The following BBC3 variants were observed in gnomAD, a reference collection of about 807,000 sequenced individuals.
BBC3 encodes the protein bcl-2-binding component 3.
Under a neutral mutation model 18.2 loss-of-function variants are expected in BBC3, and 5 were observed. That is an observed-to-expected ratio of 0.27 (90% confidence interval 0.14 to 0.58). BBC3 has a LOEUF of 0.58. Ranked by LOEUF, BBC3 falls within the 20% of genes least tolerant of loss-of-function variation. The pLI is 0.91. For synonymous variants in BBC3, 119 were observed against 128.0 expected (o/e 0.93, Z 0.47); for missense variants, 224 against 268.9 (o/e 0.83, Z 1.17).
Position 47,220,845 on chromosome 19 carries a change from T to C in BBC3, c.*957A>G, listed in dbSNP as rs1380509035. The C allele has an allele frequency of 6.6e-6, 1 of 152,232 alleles. No individual in the cohort carries two copies. Among genetic ancestry groups the C allele is most frequent in the African/African-American group, 2.4e-5 (1 of 41,454 alleles). The allele number at this position is 152,232 out of a possible 1,614,324, so 9.4% of individuals were successfully genotyped here. ...TATCCACTGTTCCAATCTGATTTTA[T>C]TGAAAAGGAAACATACAAAAATCAT... is the stretch of plus-strand genomic sequence containing the variant. On this transcript the variant is annotated 3_prime_UTR_variant, in exon 4 of 4. Coordinates refer to ENST00000439096, the MANE Select transcript of BBC3 (RefSeq NM_014417.5).
chr19:47,224,021 G>A (rs867251320), intron 3 of BBC3, among the ~76,000 whole-genome samples: 4 of 152,110 alleles, frequency 2.6e-5, no homozygotes, highest in African/African-American at 7.2e-5. Context: ...ATGGCCGGGC[G>A]CAGTGGCTTA....
In BBC3 at chr19:47,221,851, A is replaced by G. The variant is rs775636828; in HGVS notation, c.533T>C (p.Leu178Pro). The change falls in exon 4 of 4, where the codon CTC (leucine) becomes CCC (proline). Residue 178 changes from leucine (L) to proline (P), a missense_variant. Leu to Pro is a moderately conservative substitution (Grantham distance 98). Transcript: ENST00000439096. ...WRVLYNLIMG[L>P]LPLPRGHRAP... The stretch of plus-strand genomic sequence containing the variant: ...TCTGTGGCCCCTGGGTAAGGGCAGG[A>G]GTCCCATGATGAGATTGTACAGGAC... The G allele has an allele frequency of 6.2e-7, 1 of 1,613,688 alleles. No individual in the cohort carries two copies. Among genetic ancestry groups the G allele is most frequent in the Non-Finnish European group, 8.5e-7 (1 of 1,179,884 alleles).
chr19:47,231,371 C>G (rs1167163466), upstream of BBC3, among the ~76,000 whole-genome samples: 1 of 152,002 alleles, frequency 6.6e-6, no homozygotes, highest in Non-Finnish European at 1.5e-5. The surrounding 1 kb of genome is among the most constrained non-coding windows in gnomAD (Gnocchi z 4.0). Flanking sequence ...ACCTCCGCGC[C>G]GGGGGTTTCC....
chr19:47,229,078 A>G (rs956866479), intron 1 of BBC3, among the ~76,000 whole-genome samples: 2 of 151,940 alleles, frequency 1.3e-5, no homozygotes, highest in Admixed American at 1.3e-4. Context: ...GGCTGGCACA[A>G]TCCATCCCCA....
At chr19:47,225,842 G>A (rs1430936936) in intron 3 of BBC3, among the ~76,000 whole-genome samples, 1 of 152,206 alleles carries the variant, frequency 6.6e-6, no homozygotes, top group Non-Finnish European at 1.5e-5. Flanking sequence ...CAGGGGTTGA[G>A]AGAGGCCAAC....
chr19:47,229,919 C>T (rs780339357), intron 1 of BBC3, among the ~76,000 whole-genome samples: 11 of 152,110 alleles, frequency 7.2e-5, no homozygotes, highest in Non-Finnish European at 1.5e-4. Context: ...GGGCAAAAGA[C>T]ACATGCCCCG....
intron 3 of BBC3, among the ~76,000 whole-genome samples, chr19:47,222,880 C>T (rs775928589): frequency 6.8e-6 from 1 of 147,714 alleles, no homozygotes; most frequent in Non-Finnish European, 1.5e-5. Flanking sequence ...GCAGGAGAAT[C>T]GCTTGAACCT....
chr19:47,225,884 G>A (rs1373488729), intron 3 of BBC3, among the ~76,000 whole-genome samples: 1 of 152,182 alleles, frequency 6.6e-6, no homozygotes, highest in African/African-American at 2.4e-5. Flanking sequence ...CAAGGAGGGG[G>A]AAGGGATGGG....
At chr19:47,225,367 G>A (rs2058802212) in intron 3 of BBC3, among the ~76,000 whole-genome samples, 1 of 151,052 alleles carries the variant, frequency 6.6e-6, no homozygotes, top group Non-Finnish European at 1.5e-5. Flanking sequence ...TGTATTTGTT[G>A]TTTCTTTTTT....
upstream of BBC3, chr19:47,231,236 G>GGCCCC: frequency 1.1e-6 from 1 of 945,362 alleles, no homozygotes; most frequent in Non-Finnish European, 1.3e-6. This position sits in a 1 kb window ranked among gnomAD's most constrained non-coding sequence, Gnocchi z 4.0. Context: ...CTCCAAAGCC[G>GGCCCC]CCCCGCCCCG....
At chr19:47,222,932 C>G (rs1488028756) in intron 3 of BBC3, among the ~76,000 whole-genome samples, 1 of 130,956 alleles carries the variant, frequency 7.6e-6, no homozygotes, top group Admixed American at 8.9e-5. Context: ...TGCCATTGCA[C>G]TCCAGCCTGG....
At chr19:47,224,177 C>G (rs1365663793) in intron 3 of BBC3, among the ~76,000 whole-genome samples, 1 of 152,106 alleles carries the variant, frequency 6.6e-6, no homozygotes, top group Middle Eastern at 3.2e-3. Context: ...CATCTGTAAT[C>G]TCAGCTACTT....
Position 47,226,696 on chromosome 19 carries a change from G to A in BBC3, c.333C>T (p.Ala111=). Residue 111 remains alanine, a synonymous_variant, in exon 3 of 4, where the codon GCC becomes GCT. Transcript: ENST00000439096. ...EQHLESPVPS[A]PGALAGGPTQ... ...TGGGACCGCCCGCCAGAGCCCCCGGGGCGCTGGGCACGGGCGACTCCAGGT... is the reference window on the plus strand; with the variant it reads ...TGGGACCGCCCGCCAGAGCCCCCGGAGCGCTGGGCACGGGCGACTCCAGGT... 1 of 1,480,710 alleles carries A rather than the reference G, an allele frequency of 6.8e-7. No individual in the cohort carries two copies. The highest frequency in any genetic ancestry group is 8.9e-7 in the Non-Finnish European group (1 of 1,118,270). The allele number at this position is 1,480,710 out of a possible 1,614,324, so 91.7% of individuals were successfully genotyped here.
At chr19:47,226,900 T>G in intron 2 of BBC3, 146 bp from the exon 3 acceptor site, 1 of 711,926 alleles carries the variant, frequency 1.4e-6, no homozygotes, top group South Asian at 2.7e-5. Context: ...CAGCTTCTCC[T>G]CCACAGGCAC....
Position 47,231,022 on chromosome 19 carries a change from G to T in BBC3, c.-109C>A, listed in dbSNP as rs2058907839. The T allele has an allele frequency of 2.0e-6, 2 of 985,276 alleles. No individual in the cohort carries two copies. The highest frequency in any genetic ancestry group is 1.2e-4 in the Admixed American group (2 of 16,244). 61.0% of individuals were successfully genotyped at this position (985,276 alleles called of 1,614,324 possible). On this transcript the variant is annotated 5_prime_UTR_variant, in exon 1 of 4. Transcript: ENST00000439096. The surrounding 1 kb of genome is among the most constrained non-coding windows in gnomAD (Gnocchi z 4.0). ...CCGCCGAGCGCCGCTCTCCGCGGCG[G>T]CTGCTGCTGTGGCTGTCGCTGCTGC...
At chr19:47,231,860 G>C (rs1010107295), upstream of BBC3, among the ~76,000 whole-genome samples, 2 of 152,018 alleles carry the variant, frequency 1.3e-5, no homozygotes, top group African/African-American at 4.8e-5. The surrounding 1 kb of genome is among the most constrained non-coding windows in gnomAD (Gnocchi z 4.0). Flanking sequence ...CCACACACAC[G>C]GTGGTGCAAC....
chr19:47,231,464 G>A (rs2058915160), upstream of BBC3, among the ~76,000 whole-genome samples: 1 of 152,136 alleles, frequency 6.6e-6, no homozygotes, highest in Non-Finnish European at 1.5e-5. This position sits in a 1 kb window ranked among gnomAD's most constrained non-coding sequence, Gnocchi z 4.0. Flanking sequence ...AGATCGCCCA[G>A]ACACCGGGAC....
In BBC3 at chr19:47,221,615, T is replaced by TC; in HGVS notation, c.*186dup. 1 of 1,249,320 alleles carries TC rather than the reference T, an allele frequency of 8.0e-7. No individual in the cohort carries two copies. The highest frequency in any genetic ancestry group is 1.5e-5 in the African/African-American group (1 of 64,662). 77.4% of individuals were successfully genotyped at this position (1,249,320 alleles called of 1,614,324 possible). A position where few individuals can be genotyped will look rare whatever the true frequency, so the allele number is the denominator to read the frequency against. ...GGCCAGGGACCCAGGAGTCCGCATC[T>TC]CCGTCAGTGCACCCCAGGCTGGGCT... On this transcript the variant is annotated 3_prime_UTR_variant, in exon 4 of 4. Coordinates refer to ENST00000439096, the MANE Select transcript of BBC3 (RefSeq NM_014417.5).
chr19:47,231,526 C>A (rs905544050), upstream of BBC3, among the ~76,000 whole-genome samples: 13 of 152,102 alleles, frequency 8.5e-5, no homozygotes, highest in African/African-American at 3.1e-4. This position sits in a 1 kb window ranked among gnomAD's most constrained non-coding sequence, Gnocchi z 4.0. Flanking sequence ...CCCAGCGATG[C>A]GTACACAGAC....
Sources: gnomAD v4.1 joint callset for allele counts (sites outside exome capture counted in the v4.1 genomes callset) on GRCh38, gnomAD v4.1.1 for gene constraint, Gnocchi (gnomAD v3.1) non-coding constraint, MANE v1.5 for transcripts, NCBI Gene and HGNC (gene_info 2026-07-23, HGNC 2026-07-21) for gene names.